Variants in WDR43 observed in about 807,000 individuals in gnomAD.
WDR43 encodes WD repeat-containing protein 43.
WDR43 carries 13 observed loss-of-function variants against 91.4 expected under a neutral mutation model. The ratio of observed to expected loss-of-function variants is 0.14; its 90% CI spans 0.09 to 0.23. WDR43 has a LOEUF of 0.23. Among genes scored for constraint, WDR43 ranks in the 10% least tolerant of loss-of-function variants. WDR43 has a pLI of 1.00. For missense variants in WDR43, 780 were observed against 809.4 expected, an observed-to-expected ratio of 0.96 and a Z score of 0.44; for synonymous variants, 331 against 287.9, an observed-to-expected ratio of 1.15 and a Z score of -1.51.
intron 1 of WDR43, among the ~76,000 whole-genome samples, chr2:28,897,498 A>C (rs1670505604): frequency 1.3e-5 from 2 of 152,196 alleles, no homozygotes; most frequent in Non-Finnish European, 2.9e-5. Context: ...GATCCTCAGG[A>C]TCAAATTAGG....
chr2:28,908,044 C>G (rs1411229070), intron 3 of WDR43, among the ~76,000 whole-genome samples: 4 of 152,160 alleles, frequency 2.6e-5, no homozygotes, highest in Non-Finnish European at 4.4e-5. Context: ...TAGATTGTTA[C>G]TGTAATCTGG....
intron 8 of WDR43, among the ~76,000 whole-genome samples, chr2:28,926,185 C>T (rs4666140): frequency 0.27 from 40,433 of 151,998 alleles, 6,552 homozygotes; most frequent in East Asian, 0.78. Context: ...TTCTGTTGAA[C>T]TTTAAAAAAT....
In WDR43 at chr2:28,894,721, G is replaced by T. The variant is rs1384133758; in HGVS notation, c.23G>T (p.Ser8Ile). The T allele has an allele frequency of 2.6e-6, 4 of 1,568,142 alleles. No individual in the cohort carries two copies. Among genetic ancestry groups the T allele is most frequent in the East Asian group, 2.4e-5 (1 of 41,848 alleles). ...GCAATGGCGGCGGGCGGCGGCGGTA[G>T]CTGCGACCCCCTGGCCCCTGCTGGG... The part of the protein sequence containing the change: MAAGGGG[S>I]CDPLAPAGVP... The change falls in exon 1 of 18, where the codon AGC (serine) becomes ATC (isoleucine). Residue 8 changes from serine to isoleucine, a missense_variant. Coordinates refer to ENST00000407426, the MANE Select transcript of WDR43 (RefSeq NM_015131.3).
At chr2:28,916,585 T>G (rs1670913800) in intron 5 of WDR43, among the ~76,000 whole-genome samples, 1 of 152,048 alleles carries the variant, frequency 6.6e-6, no homozygotes, top group African/African-American at 2.4e-5. Flanking sequence ...TGACTTGGTT[T>G]TGCATATACC....
chr2:28,939,163 G>A (rs1219484262), intron 14 of WDR43, among the ~76,000 whole-genome samples: 1 of 149,712 alleles, frequency 6.7e-6, no homozygotes, highest in African/African-American at 2.4e-5. Flanking sequence ...ACTGGTGAGA[G>A]GAGTTTTGGG....
intron 12 of WDR43, 29 bp from the exon 13 acceptor site, chr2:28,936,893 G>T: frequency 1.3e-6 from 2 of 1,560,686 alleles, no homozygotes; most frequent in Non-Finnish European, 1.7e-6. Context: ...CTGAAGTGCT[G>T]TTGTTAATAG....
At chr2:28,910,257 AG>A (rs1462015256) in intron 3 of WDR43, among the ~76,000 whole-genome samples, 1 of 152,206 alleles carries the variant, frequency 6.6e-6, no homozygotes, top group Admixed American at 6.5e-5. Flanking sequence ...AAGTAGATGA[AG>A]GAAGCTTATC....
intron 2 of WDR43, 106 bp from the exon 3 acceptor site, chr2:28,906,354 G>C: frequency 8.7e-7 from 1 of 1,153,980 alleles, no homozygotes; most frequent in Non-Finnish European, 1.2e-6. Flanking sequence ...AGGAGCACTG[G>C]CTCATGCCTG....
Position 28,946,855 on chromosome 2 carries a change from A to C in WDR43, c.*76A>C, listed in dbSNP as rs1360958700. ...CAGTGGTGAGGGCTGCCTCTGTGCC[A>C]GGATGCCAAGGACCGCTGCACATTT... On this transcript the variant is annotated 3_prime_UTR_variant, in exon 18 of 18. Coordinates refer to ENST00000407426, the MANE Select transcript of WDR43 (RefSeq NM_015131.3). The C allele has an allele frequency of 6.9e-7, 1 of 1,444,904 alleles. No homozygotes were observed. The highest frequency in any genetic ancestry group is 1.4e-5 in the African/African-American group (1 of 69,866). 89.5% of individuals were successfully genotyped at this position (1,444,904 alleles called of 1,614,324 possible).
chr2:28,920,752 C>T (rs571527409), intron 6 of WDR43, among the ~76,000 whole-genome samples: 2 of 152,158 alleles, frequency 1.3e-5, no homozygotes, highest in African/African-American at 2.4e-5. Context: ...TCTCAGCTCA[C>T]TGCAAACTCT....
intron 16 of WDR43, among the ~76,000 whole-genome samples, chr2:28,945,121 T>C (rs189500111): frequency 1.1e-4 from 16 of 152,306 alleles, no homozygotes; most frequent in Admixed American, 9.2e-4. Context: ...CTCACAATAG[T>C]GGTTTCTTTT....
chr2:28,906,535 G>T lies in WDR43; in HGVS notation c.439G>T (p.Asp147Tyr). 1 of 1,608,620 alleles carries T rather than the reference G, an allele frequency of 6.2e-7. No individual in the cohort carries two copies. The highest frequency in any genetic ancestry group is 8.5e-7 in the Non-Finnish European group (1 of 1,177,480). Residue 147 changes from aspartate (D) to tyrosine (Y), a missense_variant, in exon 3 of 18, where the codon GAT becomes TAT. Transcript: ENST00000407426. Reference protein sequence around the residue: ...DSGCLYSCSDDKHIVEWNVQT... With the variant: ...DSGCLYSCSDYKHIVEWNVQT... ...TGGCTGTTTATATAGTTGTTCAGATGATAAACATATTGTGGAATGGAACGT... is the reference window on the plus strand; with the variant it reads ...TGGCTGTTTATATAGTTGTTCAGATTATAAACATATTGTGGAATGGAACGT...
chr2:28,918,687 A>C (rs1360819235), intron 6 of WDR43, among the ~76,000 whole-genome samples: 1 of 152,068 alleles, frequency 6.6e-6, no homozygotes, highest in Non-Finnish European at 1.5e-5. Context: ...TATGTATTTT[A>C]TAAGAGTGAT....
intron 11 of WDR43, among the ~76,000 whole-genome samples, chr2:28,931,069 T>A (rs1330226979): frequency 1.3e-5 from 2 of 151,446 alleles, no homozygotes; most frequent in African/African-American, 2.4e-5. Flanking sequence ...ACTTTTTTTT[T>A]ATTTCTGCTT....
chr2:28,911,596 TTAA>T (rs988342198), intron 3 of WDR43, among the ~76,000 whole-genome samples: 3 of 151,824 alleles, frequency 2.0e-5, no homozygotes, highest in Non-Finnish European at 4.4e-5. Flanking sequence ...GCCCAGCCTC[TTAA>T]TAACCTCTTT....
chr2:28,919,500 C>CA (rs1347780595), intron 6 of WDR43, among the ~76,000 whole-genome samples: 1 of 151,878 alleles, frequency 6.6e-6, no homozygotes, highest in African/African-American at 2.4e-5. Flanking sequence ...ACTAAAAATA[C>CA]AAAAAATTAG....
intron 11 of WDR43, 108 bp downstream of exon 11, chr2:28,929,818 G>A (rs1449156301): frequency 7.5e-6 from 9 of 1,192,974 alleles, no homozygotes; most frequent in Non-Finnish European, 1.1e-5. Flanking sequence ...GAGCCATTTG[G>A]AATGTAATGT....
chr2:28,940,226 CT>C (rs1671409954), intron 14 of WDR43, among the ~76,000 whole-genome samples: 1 of 148,946 alleles, frequency 6.7e-6, no homozygotes, highest in South Asian at 2.2e-4. Flanking sequence ...CAGCGTTGTT[CT>C]TTTTCTTTTT....
At chr2:28,924,884 A>G (rs1226724958) in intron 7 of WDR43, 98 bp from the exon 8 acceptor site, 1 of 1,432,274 alleles carries the variant, frequency 7.0e-7, no homozygotes, top group Non-Finnish European at 9.5e-7. Context: ...TATAGAGGCT[A>G]GAGGGGGGTC....
Sources: gnomAD v4.1 joint callset for allele counts (sites outside exome capture counted in the v4.1 genomes callset) on GRCh38, gnomAD v4.1.1 for gene constraint, MANE v1.5 for transcripts, NCBI Gene and HGNC (gene_info 2026-07-23, HGNC 2026-07-21) for gene names.